Variants in CCDC146 observed in about 807,000 individuals in gnomAD.
The protein encoded by CCDC146 is coiled-coil domain containing 146, also known as coiled-coil domain-containing protein 146.
Under a neutral mutation model 119.3 loss-of-function variants are expected in CCDC146, and 92 were observed. That is an observed-to-expected ratio of 0.77 (90% confidence interval 0.65 to 0.92). CCDC146 has a LOEUF of 0.92. CCDC146 is among the 40% of genes least tolerant of loss of function. The pLI is 0.00. For missense variants in CCDC146, 1,000 were observed against 1,103.0 expected (o/e 0.91, Z 1.32); for synonymous variants, 372 against 371.8 (o/e 1.00, Z -0.01).
At position 77,245,128 on chromosome 7, in the gene CCDC146, C is replaced by CTGGT. The variant is rs575494295; in HGVS notation, c.449+3242_449+3245dup. On this transcript the variant is annotated intron_variant, in intron 4 of 18. Coordinates refer to ENST00000285871, the MANE Select transcript of CCDC146 (RefSeq NM_020879.3). ...TTTTAATGTTAATAAATCTAATTAT[C>CTGGT]TGGTTGGTTGGTTGGTTAGTAATTA... Among the ~76,000 whole-genome samples the CTGGT allele has an allele frequency of 1.4e-3, 208 of 152,176 alleles. 1 individual carries two copies. Among genetic ancestry groups the CTGGT allele is most frequent in the African/African-American group, 4.7e-3 (197 of 41,510 alleles).
intron 9 of CCDC146, among the ~76,000 whole-genome samples, chr7:77,268,601 T>G (rs1793451821): frequency 6.6e-6 from 1 of 152,186 alleles, no homozygotes; most frequent in African/African-American, 2.4e-5. Context: ...GCTTACCCCC[T>G]TTTGGAGGAG....
chr7:77,141,434 A>G (rs1790931919), intron 1 of CCDC146, among the ~76,000 whole-genome samples: 1 of 152,194 alleles, frequency 6.6e-6, no homozygotes, highest in Non-Finnish European at 1.5e-5. Flanking sequence ...GTATATACCC[A>G]GTAATGGGAT....
chr7:77,189,567 T>C (rs1791727356), intron 2 of CCDC146, among the ~76,000 whole-genome samples: 1 of 152,126 alleles, frequency 6.6e-6, no homozygotes, highest in Admixed American at 6.6e-5. Context: ...TCTTATCTAC[T>C]CAGTGTAAAA....
At chr7:77,274,400 A>C (rs1219095245) in intron 10 of CCDC146, 82 bp from the exon 11 acceptor site, 2 of 937,876 alleles carry the variant, frequency 2.1e-6, no homozygotes, top group African/African-American at 3.4e-5. Context: ...TATAGGAAGT[A>C]AAAAGGTAGT....
intron 2 of CCDC146, among the ~76,000 whole-genome samples, chr7:77,207,072 G>A (rs876635): frequency 0.071 from 10,755 of 152,052 alleles, 1,036 homozygotes; most frequent in African/African-American, 0.22. Flanking sequence ...TAATTGAAAG[G>A]CCATTTCCAC....
chr7:77,123,403 G>GGGGTGTGT (rs1379477523), intron 1 of CCDC146, among the ~76,000 whole-genome samples: 19 of 125,192 alleles, frequency 1.5e-4, no homozygotes, highest in Admixed American at 4.0e-4. Flanking sequence ...GACCCTATAA[G>GGGGTGTGT]GTGTGTGTGT....
intron 18 of CCDC146, 146 bp from the exon 19 acceptor site, chr7:77,294,517 A>T: frequency 1.7e-6 from 1 of 597,262 alleles, no homozygotes; most frequent in Non-Finnish European, 3.0e-6. Flanking sequence ...GTGTGATTCT[A>T]CCCTCCTACC....
intron 9 of CCDC146, among the ~76,000 whole-genome samples, chr7:77,272,460 A>T (rs1279536692): frequency 6.6e-6 from 1 of 152,228 alleles, no homozygotes; most frequent in Non-Finnish European, 1.5e-5. Context: ...GATCCTGTTA[A>T]GTAACCTTCA....
intron 14 of CCDC146, chr7:77,282,153 A>G (rs10247327): frequency 0.11 from 19,025 of 175,612 alleles, 1,199 homozygotes; most frequent in African/African-American, 0.16. Flanking sequence ...CACCAGAACT[A>G]CATTCCCTGG....
At position 77,295,007 on chromosome 7, in the gene CCDC146, AG is replaced by A. The variant is rs1794018093; in HGVS notation, c.*144del. The stretch of plus-strand genomic sequence containing the variant: ...CAATTAGTCAGCAACAGAGTACAAC[AG>A]GGTTTCTATTTACCCACCAACTACT... On this transcript the variant is annotated 3_prime_UTR_variant, in exon 19 of 19. Transcript: ENST00000285871. The A allele has an allele frequency of 1.5e-6, 1 of 671,088 alleles. No homozygotes were observed. The highest frequency in any genetic ancestry group is 1.8e-5 in the African/African-American group (1 of 55,270). The allele number at this position is 671,088 out of a possible 1,614,324, so 41.6% of individuals were successfully genotyped here. A position where few individuals can be genotyped will look rare whatever the true frequency, so the allele number is the denominator to read the frequency against.
intron 2 of CCDC146, among the ~76,000 whole-genome samples, chr7:77,217,708 G>A (rs1037416384): frequency 6.6e-6 from 1 of 151,992 alleles, no homozygotes; most frequent in Non-Finnish European, 1.5e-5. Flanking sequence ...CACAAACCTA[G>A]ATGGTATAGC....
chr7:77,166,441 C>T, intron 1 of CCDC146, among the ~76,000 whole-genome samples: 1 of 151,304 alleles, frequency 6.6e-6, no homozygotes, highest in East Asian at 1.9e-4. Context: ...TATGATCTTG[C>T]ATTTCCCAAG....
At chr7:77,217,660 CTATT>C (rs1232472305) in intron 2 of CCDC146, among the ~76,000 whole-genome samples, 2 of 151,794 alleles carry the variant, frequency 1.3e-5, no homozygotes, top group Admixed American at 6.6e-5. Context: ...CATTGTTAGA[CTATT>C]TAATCATTGC....
At chr7:77,177,215 C>G (rs1051907912) in intron 2 of CCDC146, among the ~76,000 whole-genome samples, 18 of 151,996 alleles carry the variant, frequency 1.2e-4, no homozygotes, top group African/African-American at 4.4e-4. Context: ...TAGGTTGGAC[C>G]TTCTATAGAG....
chr7:77,257,262 T>A (rs1793198805), intron 6 of CCDC146: 1 of 152,206 alleles, frequency 6.6e-6, no homozygotes, highest in African/African-American at 2.4e-5. Flanking sequence ...AGGCCTGTAT[T>A]TATGTTTTAG....
intron 1 of CCDC146, among the ~76,000 whole-genome samples, chr7:77,150,605 G>C (rs1303602915): frequency 6.6e-6 from 1 of 152,186 alleles, no homozygotes; most frequent in Non-Finnish European, 1.5e-5. Context: ...TACGTTATTG[G>C]TAGGAATATA....
rs367910278 is a variant in CCDC146 at position 77,132,017 on chromosome 7, T to C, written c.-12+9285T>C. On this transcript the variant is annotated intron_variant, in intron 1 of 18. Coordinates refer to ENST00000285871, the MANE Select transcript of CCDC146 (RefSeq NM_020879.3). ...GCGTACAAGCATTTGATAGAATGCA[T>C]AGAACTGTAAACAAAAAGAGTAATT... Among the ~76,000 whole-genome samples the C allele has an allele frequency of 8.5e-4, 129 of 152,330 alleles. 3 individuals carry two copies. Among genetic ancestry groups the C allele is most frequent in the African/African-American group, 3.0e-3 (123 of 41,570 alleles).
intron 9 of CCDC146, among the ~76,000 whole-genome samples, chr7:77,271,052 GA>G (rs11294929): frequency 0.62 from 83,375 of 134,252 alleles, 24,873 homozygotes; most frequent in South Asian, 0.69. Flanking sequence ...TGCAGCTCTG[GA>G]AAAAAAAAAA....
At chr7:77,209,162 G>T (rs942188330) in intron 2 of CCDC146, among the ~76,000 whole-genome samples, 1 of 152,192 alleles carries the variant, frequency 6.6e-6, no homozygotes, top group Non-Finnish European at 1.5e-5. Flanking sequence ...GACAAGGCAA[G>T]TTCCTTCCAC....
Sources: gnomAD v4.1 joint callset for allele counts (sites outside exome capture counted in the v4.1 genomes callset) on GRCh38, gnomAD v4.1.1 for gene constraint, MANE v1.5 for transcripts, NCBI Gene and HGNC (gene_info 2026-07-23, HGNC 2026-07-21) for gene names.